COL26A1: variants seen among roughly 807,000 people sequenced by gnomAD.
COL26A1 encodes the protein collagen alpha-1(XXVI) chain.
Under a neutral mutation model 59.3 loss-of-function variants are expected in COL26A1, and 41 were observed. The ratio of observed to expected loss-of-function variants is 0.69; its 90% CI spans 0.54 to 0.90. The LOEUF (loss-of-function observed/expected upper bound fraction) is 0.90, where lower values mean the gene tolerates loss of function less well. COL26A1 is among the 40% of genes least tolerant of loss of function. COL26A1 has a pLI of 0.00. For missense variants in COL26A1, 612 were observed against 602.3 expected (o/e 1.02, Z -0.17); for synonymous variants, 266 against 256.0 (o/e 1.04, Z -0.37).
chr7:101,451,682 T>C (rs1793341332), intron 3 of COL26A1, among the ~76,000 whole-genome samples: 2 of 150,938 alleles, frequency 1.3e-5, no homozygotes, highest in Non-Finnish European at 1.5e-5. Flanking sequence ...GGTTATTGTC[T>C]CTACTGAAAA....
At chr7:101,521,421 G>A (rs1015400632) in intron 3 of COL26A1, among the ~76,000 whole-genome samples, 14 of 152,174 alleles carry the variant, frequency 9.2e-5, no homozygotes, top group Admixed American at 9.2e-4. Flanking sequence ...AGCCAGTTGT[G>A]TACAGGGTGC....
At chr7:101,485,877 G>A (rs1463982731) in intron 3 of COL26A1, among the ~76,000 whole-genome samples, 4 of 152,098 alleles carry the variant, frequency 2.6e-5, no homozygotes, top group African/African-American at 4.8e-5. Context: ...GGGGTGTAAA[G>A]TGATCTCAGC....
chr7:101,525,276 G>C (rs1348734830), intron 3 of COL26A1, among the ~76,000 whole-genome samples: 1 of 145,906 alleles, frequency 6.9e-6, no homozygotes, highest in African/African-American at 2.6e-5. Flanking sequence ...CTGTCTCCTG[G>C]GTTCAAGCCA....
At chr7:101,434,193 T>C (rs1189189603) in intron 2 of COL26A1, among the ~76,000 whole-genome samples, 7 of 30,668 alleles carry the variant, frequency 2.3e-4, no homozygotes, top group African/African-American at 7.4e-4. Flanking sequence ...CTTCTCTCTC[T>C]CTCTCTCTCC....
At chr7:101,466,525 C>T (rs1001547090) in intron 3 of COL26A1, among the ~76,000 whole-genome samples, 1 of 151,958 alleles carries the variant, frequency 6.6e-6, no homozygotes, top group Non-Finnish European at 1.5e-5. Context: ...AACATAGACC[C>T]CGTCTCTACA....
intron 3 of COL26A1, among the ~76,000 whole-genome samples, chr7:101,516,770 G>C (rs553451247): frequency 7.9e-5 from 12 of 152,318 alleles, no homozygotes; most frequent in African/African-American, 2.9e-4. Flanking sequence ...GGCCCAGAGA[G>C]ATGACTAGGC....
intron 11 of COL26A1, among the ~76,000 whole-genome samples, chr7:101,555,152 C>T (rs1795944156): frequency 6.6e-6 from 1 of 152,160 alleles, no homozygotes; most frequent in Non-Finnish European, 1.5e-5. Context: ...AATAAGTCAG[C>T]ACCCTGTCTT....
In COL26A1 at chr7:101,557,375, C is replaced by T; in HGVS notation, c.1171C>T (p.Leu391=). The T allele has an allele frequency of 6.2e-7, 1 of 1,612,722 alleles. No individual in the cohort carries two copies. Among genetic ancestry groups the T allele is most frequent in the South Asian group, 1.1e-5 (1 of 90,914 alleles). ...CCCTCCTGCTCTCCTTCCAGATCCC[C>T]TGGCCTCCCCAGAGGGAGGTTCTGG... ...LEHMIGIHDP[L]ASPEGGSGQD... The change falls in exon 13 of 13, where the codon CTG becomes TTG. Residue 391 remains leucine, a synonymous_variant. Transcript: ENST00000313669.
chr7:101,375,680 A>G (rs2059499537), intron 1 of COL26A1, among the ~76,000 whole-genome samples: 1 of 151,042 alleles, frequency 6.6e-6, no homozygotes, highest in African/African-American at 2.4e-5. Context: ...TATCTACAGA[A>G]GAAAGAAAGA....
chr7:101,362,939 TC>T lies in COL26A1; in HGVS notation c.-91del. 1.5e-6 allele frequency: 2 copies of T among 1,331,384 alleles called. No homozygotes were observed. Among genetic ancestry groups the T allele is most frequent in the Non-Finnish European group, 2.0e-6 (2 of 1,003,410 alleles). 82.5% of individuals were successfully genotyped at this position (1,331,384 alleles called of 1,614,324 possible). A position where few individuals can be genotyped will look rare whatever the true frequency, so the allele number is the denominator to read the frequency against. Reference sequence around the variant, plus strand: ...GCTCGCCCCGCTCCTCTCGCTGTGCTCCCGGCCGGTGCCGCGGGTTCGGTCC... The same window carrying T: ...GCTCGCCCCGCTCCTCTCGCTGTGCTCCGGCCGGTGCCGCGGGTTCGGTCC... On this transcript the variant is annotated 5_prime_UTR_variant, in exon 1 of 13. Transcript: ENST00000313669.
chr7:101,496,153 C>A (rs1305542503), intron 3 of COL26A1, among the ~76,000 whole-genome samples: 1 of 152,168 alleles, frequency 6.6e-6, no homozygotes, highest in Non-Finnish European at 1.5e-5. Context: ...CGTCTCCTGG[C>A]AAACCGGATG....
chr7:101,547,278 T>TC, intron 8 of COL26A1, 39 bp downstream of exon 8: 2 of 1,430,734 alleles, frequency 1.4e-6, no homozygotes, highest in Non-Finnish European at 1.9e-6. Flanking sequence ...GAGGACTCCA[T>TC]CCCCCCAGGG....
chr7:101,472,821 C>T (rs535819283), intron 3 of COL26A1, among the ~76,000 whole-genome samples: 29 of 152,264 alleles, frequency 1.9e-4, no homozygotes, highest in Admixed American at 1.4e-3. Flanking sequence ...AGGGGACCTC[C>T]GGATCTGCAG....
At chr7:101,471,045 A>G (rs1344807313) in intron 3 of COL26A1, among the ~76,000 whole-genome samples, 1 of 152,186 alleles carries the variant, frequency 6.6e-6, no homozygotes, top group Non-Finnish European at 1.5e-5. Flanking sequence ...AACAAAGACC[A>G]AATACATATA....
chr7:101,374,712 G>A (rs1791269210), intron 1 of COL26A1, among the ~76,000 whole-genome samples: 1 of 152,162 alleles, frequency 6.6e-6, no homozygotes, highest in Non-Finnish European at 1.5e-5. Flanking sequence ...CTACATGATG[G>A]TGAGTAGTAG....
chr7:101,482,094 G>A (rs1303705249), intron 3 of COL26A1, among the ~76,000 whole-genome samples: 1 of 150,684 alleles, frequency 6.6e-6, no homozygotes. Context: ...TCGGCTCACT[G>A]CAACCTCTGC....
intron 3 of COL26A1, among the ~76,000 whole-genome samples, chr7:101,450,207 T>C (rs564039936): frequency 6.6e-6 from 1 of 151,956 alleles, no homozygotes; most frequent in East Asian, 1.9e-4. Context: ...GTTTCATGTA[T>C]GGAACCTCTA....
chr7:101,485,874 A>C (rs1794257479), intron 3 of COL26A1, among the ~76,000 whole-genome samples: 2 of 152,106 alleles, frequency 1.3e-5, no homozygotes, highest in Non-Finnish European at 2.9e-5. Context: ...TGTGGGGTGT[A>C]AAGTGATCTC....
intron 2 of COL26A1, among the ~76,000 whole-genome samples, chr7:101,439,267 G>A (rs1452410085): frequency 6.6e-6 from 1 of 152,048 alleles, no homozygotes; most frequent in African/African-American, 2.4e-5. Flanking sequence ...CTGGGTGCTG[G>A]GCAGATGTGG....
Sources: allele counts gnomAD v4.1 joint callset (sites outside exome capture counted in the v4.1 genomes callset), GRCh38; gene constraint gnomAD v4.1.1; transcripts MANE v1.5; gene names NCBI Gene and HGNC (gene_info 2026-07-23, HGNC 2026-07-21).